The following KMT2E variants were observed in gnomAD, a reference collection of about 807,000 sequenced individuals.
KMT2E encodes the protein lysine methyltransferase 2E (inactive).
KMT2E carries 30 observed loss-of-function variants against 184.6 expected under a neutral mutation model. The observed-to-expected ratio is 0.16, with a 90% CI of 0.12 to 0.22. The LOEUF (loss-of-function observed/expected upper bound fraction) is 0.22, where lower values mean the gene tolerates loss of function less well. KMT2E is among the 10% of genes least tolerant of loss of function. The pLI, the probability that KMT2E is intolerant of heterozygous loss-of-function variation, is 1.00. For missense variants in KMT2E, 2,023 were observed against 2,237.4 expected, an observed-to-expected ratio of 0.90 and a Z score of 1.93; for synonymous variants, 815 against 776.5, an observed-to-expected ratio of 1.05 and a Z score of -0.82.
chr7:105,046,753 G>C (rs1300222457), intron 3 of KMT2E, among the ~76,000 whole-genome samples: 2 of 152,152 alleles, frequency 1.3e-5, no homozygotes, highest in Non-Finnish European at 2.9e-5. Flanking sequence ...CATTATGATA[G>C]CATGTAAATA....
At position 105,114,722 on chromosome 7, in the gene KMT2E, C is replaced by T. The variant is rs184548357; in HGVS notation, c.*1389C>T. 2.0e-5 allele frequency among the ~76,000 whole-genome samples: 3 copies of T among 152,212 alleles called. No individual in the cohort carries two copies. The highest frequency in any genetic ancestry group is 3.9e-4 in the East Asian group (2 of 5,182). On this transcript the variant is annotated 3_prime_UTR_variant, in exon 27 of 27. Coordinates refer to ENST00000311117, the MANE Select transcript of KMT2E (RefSeq NM_182931.3). Reference sequence around the variant, plus strand: ...GAGAAAGTAAACACTAAAATGACTGCGTGACCTCATTCAGTCATGTTTTTA... The same window carrying T: ...GAGAAAGTAAACACTAAAATGACTGTGTGACCTCATTCAGTCATGTTTTTA...
chr7:105,072,331 A>G (rs1797357042), intron 6 of KMT2E, among the ~76,000 whole-genome samples: 1 of 152,132 alleles, frequency 6.6e-6, no homozygotes, highest in South Asian at 2.1e-4. Flanking sequence ...GTCTCAAAAA[A>G]CAAAACAAAA....
intron 1 of KMT2E, among the ~76,000 whole-genome samples, chr7:105,035,118 G>A (rs1377562430): frequency 6.7e-6 from 1 of 149,918 alleles, no homozygotes; most frequent in Non-Finnish European, 1.5e-5. Context: ...TCCGCCTCCT[G>A]GGTTCATGCC....
chr7:105,047,231 A>G (rs1299011865), intron 3 of KMT2E, among the ~76,000 whole-genome samples: 1 of 152,278 alleles, frequency 6.6e-6, no homozygotes, highest in Non-Finnish European at 1.5e-5. Context: ...CCAAAATTCC[A>G]GACTCCCAGA....
In KMT2E at chr7:105,042,780, T is replaced by C. The variant is rs556658782; in HGVS notation, c.71+1757T>C. 2.0e-5 allele frequency among the ~76,000 whole-genome samples: 3 copies of C among 152,332 alleles called. No homozygotes were observed. The South Asian group carries it at 6.2e-4, about 32-fold the overall frequency. ...ATACAAATATTTAAAAATAATAGAT[T>C]GTAAGAGAGAGAAAAGAAATGGACA... is the stretch of plus-strand genomic sequence containing the variant. On this transcript the variant is annotated intron_variant, in intron 3 of 26. Transcript: ENST00000311117.
Position 105,101,577 on chromosome 7 carries a change from T to C in KMT2E, c.1875T>C (p.Ala625=). The change falls in exon 16 of 27, where the codon GCT becomes GCC. Residue 625 remains alanine, a synonymous_variant. Transcript: ENST00000311117. The part of the protein sequence containing the change: ...ECKDTQIVSD[A]EVIQEQAKEE... Reference sequence around the variant, plus strand: ...AAGATACACAGATTGTCAGTGATGCTGAAGTTATTCAGGTATTATTTATTC... The same window carrying C: ...AAGATACACAGATTGTCAGTGATGCCGAAGTTATTCAGGTATTATTTATTC... 2 of 1,546,400 alleles carry C rather than the reference T, an allele frequency of 1.3e-6. No individual in the cohort carries two copies. Among genetic ancestry groups the C allele is most frequent in the Non-Finnish European group, 1.7e-6 (2 of 1,155,348 alleles).
intron 15 of KMT2E, among the ~76,000 whole-genome samples, chr7:105,095,949 A>C (rs1161290062): frequency 4.6e-5 from 7 of 152,142 alleles, no homozygotes; most frequent in Non-Finnish European, 1.0e-4. Context: ...CTTCTGAAAG[A>C]TTTAAATACT....
intron 1 of KMT2E, among the ~76,000 whole-genome samples, chr7:105,022,024 G>A (rs904799630): frequency 1.3e-5 from 2 of 151,940 alleles, no homozygotes; most frequent in South Asian, 4.1e-4. Flanking sequence ...TATACACCTG[G>A]TATTTTTCCT....
At chr7:105,041,233 T>G (rs980412378) in intron 3 of KMT2E, among the ~76,000 whole-genome samples, 5 of 152,116 alleles carry the variant, frequency 3.3e-5, no homozygotes, top group African/African-American at 1.2e-4. Flanking sequence ...GCATTACCAC[T>G]AATATTCATT....
At chr7:105,076,860 T>C (rs1797545373) in intron 9 of KMT2E, 103 bp from the exon 10 acceptor site, 1 of 817,972 alleles carries the variant, frequency 1.2e-6, no homozygotes, top group Non-Finnish European at 2.0e-6. Flanking sequence ...TTTGTATAGA[T>C]TGCCGTTAAT....
At chr7:105,077,521 C>G (rs1797581279) in intron 11 of KMT2E, 88 bp downstream of exon 11, 3 of 987,990 alleles carry the variant, frequency 3.0e-6, no homozygotes, top group Non-Finnish European at 4.6e-6. Context: ...ATTATATGTA[C>G]TTTTTTTCCT....
At chr7:105,057,705 GC>G (rs1167705682) in intron 3 of KMT2E, among the ~76,000 whole-genome samples, 12 of 151,914 alleles carry the variant, frequency 7.9e-5, no homozygotes, top group African/African-American at 2.9e-4. Context: ...CTCCCTTTTG[GC>G]CCCCAAAAGT....
intron 19 of KMT2E, 114 bp from the exon 20 acceptor site, chr7:105,106,408 G>C: frequency 1.0e-6 from 1 of 999,298 alleles, no homozygotes; most frequent in Non-Finnish European, 1.5e-6. Context: ...TCAGTTTTGG[G>C]GTAAAAGTCA....
At chr7:105,087,216 A>G (rs977582456) in intron 13 of KMT2E, among the ~76,000 whole-genome samples, 2 of 146,816 alleles carry the variant, frequency 1.4e-5, no homozygotes, top group African/African-American at 2.5e-5. Context: ...CTTATATAAT[A>G]TATATTATAT....
chr7:105,058,710 A>C (rs1319928320), intron 3 of KMT2E, among the ~76,000 whole-genome samples: 1 of 152,138 alleles, frequency 6.6e-6, no homozygotes, highest in Non-Finnish European at 1.5e-5. Flanking sequence ...ACCATACCTT[A>C]TTGCTTATAT....
intron 22 of KMT2E, 72 bp downstream of exon 22, chr7:105,107,997 T>G: frequency 9.6e-7 from 1 of 1,039,828 alleles, no homozygotes; most frequent in Non-Finnish European, 1.3e-6. Flanking sequence ...TGAGGGGAAT[T>G]GTTAGATGTA....
intron 12 of KMT2E, among the ~76,000 whole-genome samples, chr7:105,081,423 T>TTTATTATTATTA (rs34070011): frequency 2.7e-5 from 4 of 147,782 alleles, no homozygotes; most frequent in East Asian, 2.0e-4. Flanking sequence ...ATATAGTATT[T>TTTATTATTATTA]TTATTATTAT....
At chr7:105,111,804 T>TGAAAACACAA in intron 26 of KMT2E, 21 bp from the exon 27 acceptor site, 2 of 1,585,550 alleles carry the variant, frequency 1.3e-6, no homozygotes, top group South Asian at 2.3e-5. Context: ...TGAATGTATA[T>TGAAAACACAA]AATTTGTTTT....
At chr7:105,032,253 G>T (rs1382049417) in intron 1 of KMT2E, among the ~76,000 whole-genome samples, 1 of 151,644 alleles carries the variant, frequency 6.6e-6, no homozygotes, top group African/African-American at 2.4e-5. Flanking sequence ...AGACCAGCCT[G>T]GCCAACATGG....
Sources: allele counts gnomAD v4.1 joint callset (sites outside exome capture counted in the v4.1 genomes callset), GRCh38; gene constraint gnomAD v4.1.1; transcripts MANE v1.5; gene names NCBI Gene and HGNC (gene_info 2026-07-23, HGNC 2026-07-21).